The following SLX4IP variants were observed in gnomAD, a reference collection of about 807,000 sequenced individuals.
SLX4IP encodes SLX4 interacting protein.
A neutral mutation model predicts 32.9 loss-of-function variants in SLX4IP; 34 were observed. The observed-to-expected ratio is 1.03, with a 90% CI of 0.79 to 1.38. The LOEUF (loss-of-function observed/expected upper bound fraction) is 1.38, where lower values mean the gene tolerates loss of function less well. Among genes scored for constraint, SLX4IP ranks in the 40% most tolerant of loss-of-function variants. SLX4IP has a pLI of 0.00. For synonymous variants in SLX4IP, 172 were observed against 171.7 expected (o/e 1.00, Z -0.01); for missense variants, 444 against 479.0 (o/e 0.93, Z 0.68).
At chr20:10,524,952 C>G (rs1338248267) in intron 2 of SLX4IP, among the ~76,000 whole-genome samples, 3 of 152,182 alleles carry the variant, frequency 2.0e-5, no homozygotes, top group Admixed American at 6.5e-5. Flanking sequence ...TACGTAACAG[C>G]CACTTAACTA....
intron 2 of SLX4IP, among the ~76,000 whole-genome samples, chr20:10,546,540 A>G (rs2066164773): frequency 6.6e-6 from 1 of 152,102 alleles, no homozygotes; most frequent in Non-Finnish European, 1.5e-5. Flanking sequence ...ACCTTTGGAG[A>G]AAAAAAAGAG....
intron 1 of SLX4IP, among the ~76,000 whole-genome samples, chr20:10,435,662 A>G (rs547323626): frequency 6.6e-6 from 1 of 152,120 alleles, no homozygotes; most frequent in Non-Finnish European, 1.5e-5. Flanking sequence ...CGGTGGAGAT[A>G]TTATTCAGGA....
At chr20:10,611,245 A>G (rs752397627) in intron 6 of SLX4IP, among the ~76,000 whole-genome samples, 5 of 152,242 alleles carry the variant, frequency 3.3e-5, no homozygotes, top group Admixed American at 1.3e-4. Flanking sequence ...GTCGCATACA[A>G]TAACCTATTC....
intron 4 of SLX4IP, among the ~76,000 whole-genome samples, chr20:10,582,187 G>C (rs1398111733): frequency 6.6e-6 from 1 of 152,092 alleles, no homozygotes; most frequent in African/African-American, 2.4e-5. Flanking sequence ...CAGTGAGTGG[G>C]GACCAGGATC....
At chr20:10,509,726 T>C (rs1285219761) in intron 2 of SLX4IP, among the ~76,000 whole-genome samples, 1 of 151,646 alleles carries the variant, frequency 6.6e-6, no homozygotes, top group Non-Finnish European at 1.5e-5. Flanking sequence ...CCACAGAGTC[T>C]CACTTTCTTG....
chr20:10,592,853 C>T (rs776596862), intron 4 of SLX4IP, among the ~76,000 whole-genome samples: 4 of 151,916 alleles, frequency 2.6e-5, no homozygotes, highest in African/African-American at 7.3e-5. Context: ...AGGATGGTCT[C>T]GATCTCCTGA....
intron 7 of SLX4IP, among the ~76,000 whole-genome samples, chr20:10,622,195 G>A (rs2067118923): frequency 6.6e-6 from 1 of 152,132 alleles, no homozygotes; most frequent in Non-Finnish European, 1.5e-5. Flanking sequence ...CCAGCTAAAT[G>A]GTGGTTATAT....
chr20:10,548,734 T>C (rs2066189740), intron 2 of SLX4IP, among the ~76,000 whole-genome samples: 1 of 152,226 alleles, frequency 6.6e-6, no homozygotes, highest in Non-Finnish European at 1.5e-5. Flanking sequence ...TCTCAGTGTT[T>C]CCAGAACGCC....
chr20:10,604,182 AC>A (rs2066875654), intron 6 of SLX4IP, among the ~76,000 whole-genome samples: 1 of 152,220 alleles, frequency 6.6e-6, no homozygotes, highest in Admixed American at 6.5e-5. Flanking sequence ...ATTCTCAAGA[AC>A]ATCTGACTGG....
chr20:10,497,748 C>A (rs1359027851), intron 2 of SLX4IP, among the ~76,000 whole-genome samples: 3 of 152,004 alleles, frequency 2.0e-5, no homozygotes, highest in Admixed American at 1.3e-4. Context: ...TTGTTGGTCA[C>A]TTTTCTTAAT....
At chr20:10,592,251 C>G (rs1241651148) in intron 4 of SLX4IP, among the ~76,000 whole-genome samples, 2 of 152,054 alleles carry the variant, frequency 1.3e-5, no homozygotes, top group African/African-American at 2.4e-5. Flanking sequence ...ATTTGTTTCC[C>G]AGTTGTGGTC....
chr20:10,590,552 G>A (rs1170938173), intron 4 of SLX4IP, among the ~76,000 whole-genome samples: 2 of 151,960 alleles, frequency 1.3e-5, no homozygotes, highest in East Asian at 3.9e-4. Flanking sequence ...GTAGAGATGG[G>A]GTTTCGCTGT....
intron 4 of SLX4IP, among the ~76,000 whole-genome samples, chr20:10,593,179 A>G (rs1428919552): frequency 6.6e-6 from 1 of 152,224 alleles, no homozygotes; most frequent in Non-Finnish European, 1.5e-5. Context: ...AGCAAATATC[A>G]GACCACTATC....
At position 10,474,502 on chromosome 20, in the gene SLX4IP, C is replaced by T. The variant is rs559720713; in HGVS notation, c.27+16271C>T. Among the ~76,000 whole-genome samples, 18 of 152,240 alleles carry T rather than the reference C, an allele frequency of 1.2e-4. No homozygotes were observed. In the East Asian group the frequency reaches 3.3e-3, roughly 28 times the overall value. On this transcript the variant is annotated intron_variant, in intron 2 of 7. Coordinates refer to ENST00000334534, the MANE Select transcript of SLX4IP (RefSeq NM_001009608.3). ...GAGCCATTCTTTCCTAGACCCCCTT[C>T]CCTTCTTTACTTTAGGTATTGATGT...
intron 6 of SLX4IP, among the ~76,000 whole-genome samples, chr20:10,609,515 C>T (rs1297792482): frequency 1.3e-5 from 2 of 152,170 alleles, no homozygotes; most frequent in African/African-American, 4.8e-5. Context: ...TGAAATGAGA[C>T]AATCATCTGT....
intron 2 of SLX4IP, among the ~76,000 whole-genome samples, chr20:10,485,577 C>T (rs1261635372): frequency 6.6e-6 from 1 of 151,232 alleles, no homozygotes; most frequent in East Asian, 1.9e-4. Flanking sequence ...GAGATCGCAC[C>T]ACTACACTTC....
At chr20:10,569,291 TTCTCCTGCCTCAGCC>T (rs1272829760) in intron 4 of SLX4IP, among the ~76,000 whole-genome samples, 3 of 151,858 alleles carry the variant, frequency 2.0e-5, no homozygotes, top group African/African-American at 4.8e-5. Context: ...GTTCAAGCGA[TTCTCCTGCCTCAGCC>T]TCCCAAGTAG....
chr20:10,474,455 G>A (rs1037725350), intron 2 of SLX4IP, among the ~76,000 whole-genome samples: 17 of 152,192 alleles, frequency 1.1e-4, no homozygotes, highest in Non-Finnish European at 1.9e-4. Flanking sequence ...TACAATGTCT[G>A]AACTCTGGAG....
chr20:10,521,785 C>T (rs981528131), intron 2 of SLX4IP, among the ~76,000 whole-genome samples: 19 of 152,162 alleles, frequency 1.2e-4, no homozygotes, highest in African/African-American at 4.6e-4. Flanking sequence ...CTTTTACATA[C>T]AATTCTAAAG....
Sources: gnomAD v4.1 joint callset for allele counts (sites outside exome capture counted in the v4.1 genomes callset) on GRCh38, gnomAD v4.1.1 for gene constraint, MANE v1.5 for transcripts, NCBI Gene and HGNC (gene_info 2026-07-23, HGNC 2026-07-21) for gene names.